PARD3B: variants seen among roughly 807,000 people sequenced by gnomAD.
PARD3B encodes the protein partitioning defective 3 homolog B.
In PARD3B, 103 loss-of-function variants were observed where a neutral mutation model predicts 130.2. The observed-to-expected ratio is 0.79, with a 90% CI of 0.67 to 0.93. The LOEUF (loss-of-function observed/expected upper bound fraction) is 0.93, where lower values mean the gene tolerates loss of function less well. Ranked by LOEUF, PARD3B falls within the 40% of genes least tolerant of loss-of-function variation. The pLI is 0.00. For synonymous variants in PARD3B, 583 were observed against 553.2 expected (o/e 1.05, Z -0.76); for missense variants, 1,609 against 1,499.2 (o/e 1.07, Z -1.21).
intron 2 of PARD3B, among the ~76,000 whole-genome samples, chr2:204,721,379 G>C (rs539445532): frequency 1.3e-5 from 2 of 152,246 alleles, no homozygotes; most frequent in South Asian, 4.2e-4. Context: ...ACTCAGGCTA[G>C]TGAAAAAGGG....
intron 2 of PARD3B, among the ~76,000 whole-genome samples, chr2:204,855,982 G>A (rs544931808): frequency 3.4e-4 from 52 of 152,112 alleles, no homozygotes; most frequent in African/African-American, 1.2e-3. Context: ...TCATATCTTG[G>A]CTATTTTTGA....
At chr2:204,598,499 A>G (rs2033385100) in intron 1 of PARD3B, among the ~76,000 whole-genome samples, 2 of 152,198 alleles carry the variant, frequency 1.3e-5, no homozygotes, top group East Asian at 1.9e-4. Context: ...CTCATCTGTA[A>G]TATGGGGATA....
intron 2 of PARD3B, among the ~76,000 whole-genome samples, chr2:204,879,559 T>A (rs6747533): frequency 2.6e-5 from 4 of 152,122 alleles, no homozygotes; most frequent in African/African-American, 9.7e-5. Context: ...ATGGCAATGC[T>A]ACACTCCTGG....
At chr2:204,849,569 A>C (rs998746800) in intron 2 of PARD3B, among the ~76,000 whole-genome samples, 1 of 152,220 alleles carries the variant, frequency 6.6e-6, no homozygotes, top group Non-Finnish European at 1.5e-5. Flanking sequence ...TGTTATTACA[A>C]TGTTATCATC....
At chr2:204,937,137 C>T (rs994691508) in intron 2 of PARD3B, among the ~76,000 whole-genome samples, 2 of 152,212 alleles carry the variant, frequency 1.3e-5, no homozygotes, top group African/African-American at 4.8e-5. Flanking sequence ...CCATTGACCT[C>T]GGATGATGCC....
At chr2:205,531,675 A>G (rs2051600859) in intron 21 of PARD3B, among the ~76,000 whole-genome samples, 1 of 152,054 alleles carries the variant, frequency 6.6e-6, no homozygotes, top group Non-Finnish European at 1.5e-5. Flanking sequence ...GAGAGACTGG[A>G]TATGAAATGT....
chr2:204,966,751 C>T (rs922075239), intron 3 of PARD3B, among the ~76,000 whole-genome samples: 8 of 152,016 alleles, frequency 5.3e-5, no homozygotes, highest in Non-Finnish European at 7.4e-5. Flanking sequence ...AAAAGTCAGC[C>T]GAGATTCCCC....
intron 1 of PARD3B, among the ~76,000 whole-genome samples, chr2:204,658,709 AT>A (rs1238722958): frequency 3.9e-5 from 6 of 152,282 alleles, no homozygotes; most frequent in African/African-American, 1.4e-4. Flanking sequence ...TTTCTAGAAA[AT>A]ATGTGAAAAG....
intron 15 of PARD3B, among the ~76,000 whole-genome samples, chr2:205,212,592 T>G (rs1559548230): frequency 6.6e-6 from 1 of 152,010 alleles, no homozygotes; most frequent in Non-Finnish European, 1.5e-5. Flanking sequence ...GGCAGAGAAG[T>G]GTCCACAGCC....
At chr2:204,997,183 G>C (rs947210235) in intron 3 of PARD3B, among the ~76,000 whole-genome samples, 20 of 152,198 alleles carry the variant, frequency 1.3e-4, no homozygotes, top group African/African-American at 4.6e-4. Context: ...TGTCAGGGTA[G>C]GTTCCTGTGT....
intron 22 of PARD3B, among the ~76,000 whole-genome samples, chr2:205,613,144 A>G (rs2055297031): frequency 6.6e-6 from 1 of 152,204 alleles, no homozygotes; most frequent in African/African-American, 2.4e-5. Flanking sequence ...CTCTCTTTCC[A>G]TTTTAAACAG....
rs1193752755 is a variant in PARD3B, at chr2:205,120,022, G to A, written c.806+976G>A. 2.6e-5 allele frequency among the ~76,000 whole-genome samples: 4 copies of A among 151,890 alleles called. 1 individual carries two copies. Among genetic ancestry groups the A allele is most frequent in the East Asian group, 1.9e-4 (1 of 5,160 alleles). ...AAAACAGCTCCTAATACATCTTCTC[G>A]CTGGGCATTAGTTGTCAATATTGTA... is the stretch of plus-strand genomic sequence containing the variant. On this transcript the variant is annotated intron_variant, in intron 7 of 22. Coordinates refer to ENST00000406610, the MANE Select transcript of PARD3B (RefSeq NM_001302769.2).
chr2:204,873,223 T>C (rs553029486), intron 2 of PARD3B, among the ~76,000 whole-genome samples: 2 of 152,334 alleles, frequency 1.3e-5, no homozygotes, highest in South Asian at 4.1e-4. Flanking sequence ...ATCTGCTTTT[T>C]CTTGCTTTAC....
chr2:205,458,602 ATAT>A lies in PARD3B; in HGVS notation c.3044+17934_3044+17936del, dbSNP rs1242001442. ...TACTTCTCTGATGAAATTCTCCATC[ATAT>A]TATCTTTTTTCTTGAATAAATTAAT... On this transcript the variant is annotated intron_variant, in intron 20 of 22. Transcript: ENST00000406610. The surrounding 1 kb of genome is among the most constrained non-coding windows in gnomAD (Gnocchi z 4.8). 1.3e-5 allele frequency among the ~76,000 whole-genome samples: 2 copies of A among 152,154 alleles called. No individual in the cohort carries two copies.
chr2:204,894,545 C>T (rs1376825633), intron 2 of PARD3B, among the ~76,000 whole-genome samples: 1 of 151,698 alleles, frequency 6.6e-6, no homozygotes, highest in Non-Finnish European at 1.5e-5. Flanking sequence ...AAATACAACA[C>T]TTCTGTGATT....
At chr2:205,535,952 T>C (rs1208748139) in intron 21 of PARD3B, among the ~76,000 whole-genome samples, 1 of 152,220 alleles carries the variant, frequency 6.6e-6, no homozygotes, top group African/African-American at 2.4e-5. Flanking sequence ...CCAATGGTGC[T>C]GTATTGCATT....
intron 21 of PARD3B, among the ~76,000 whole-genome samples, chr2:205,527,038 T>TATAAATA (rs2051369846): frequency 6.6e-6 from 1 of 152,182 alleles, no homozygotes; most frequent in East Asian, 1.9e-4. Context: ...GGTTTGCAGG[T>TATAAATA]ATAAATAAAA....
chr2:205,530,836 ACT>A lies in PARD3B; in HGVS notation c.3181-22485_3181-22484del, dbSNP rs2051559813. Among the ~76,000 whole-genome samples, 1 of 152,154 alleles carries A rather than the reference ACT, an allele frequency of 6.6e-6. No homozygotes were observed. Among genetic ancestry groups the A allele is most frequent in the Non-Finnish European group, 1.5e-5 (1 of 68,038 alleles). On this transcript the variant is annotated intron_variant, in intron 21 of 22. Coordinates refer to ENST00000406610, the MANE Select transcript of PARD3B (RefSeq NM_001302769.2). This position sits in a 1 kb window ranked among gnomAD's most constrained non-coding sequence, Gnocchi z 4.7. The stretch of plus-strand genomic sequence containing the variant: ...TGAAATGGGGAAGAAAGAAACGATG[ACT>A]CTAGAGGCATGACCCACCTGGATAA...
At position 204,796,858 on chromosome 2, in the gene PARD3B, G is replaced by C. The variant is rs149590278; in HGVS notation, c.222+110576G>C. 1.4e-3 allele frequency among the ~76,000 whole-genome samples: 207 copies of C among 152,200 alleles called. 3 individuals are homozygous for C. In the South Asian group the frequency reaches 0.024, roughly 18 times the overall value. On this transcript the variant is annotated intron_variant, in intron 2 of 22. Transcript: ENST00000406610. ...GGCTATGCTAAATTTAGACCTATTT[G>C]CATTTTTCTTTGACTGTACATTAAA...
Sources: allele counts gnomAD v4.1 joint callset (sites outside exome capture counted in the v4.1 genomes callset), GRCh38; gene constraint gnomAD v4.1.1; non-coding constraint Gnocchi (gnomAD v3.1); transcripts MANE v1.5; gene names NCBI Gene and HGNC (gene_info 2026-07-23, HGNC 2026-07-21).